FAM107A: variants seen among roughly 807,000 people sequenced by gnomAD.
FAM107A encodes actin-associated protein FAM107A.
FAM107A carries 19 observed loss-of-function variants against 13.7 expected under a neutral mutation model. The observed-to-expected ratio is 1.38, with a 90% CI of 0.97 to 2.03. The LOEUF is 2.03. Among genes scored for constraint, FAM107A ranks in the 30% most tolerant of loss-of-function variants. FAM107A has a pLI of 0.00. For synonymous variants in FAM107A, 82 were observed against 74.5 expected (o/e 1.10, Z -0.52); for missense variants, 203 against 184.4 (o/e 1.10, Z -0.58).
rs2065765852 is a variant in FAM107A, at chr3:58,603,074, T to G, written c.-69-13805A>C. ...GTTCTCTGCATTTCTTGAGTTTCGT[T>G]TTTTCAATGAACCTGTGTTTTATAA... On this transcript the variant is annotated intron_variant, in intron 1 of 3. Transcript: ENST00000465970. Among the ~76,000 whole-genome samples the G allele has an allele frequency of 2.0e-5, 3 of 152,354 alleles. No individual in the cohort carries two copies. The South Asian group carries it at 6.2e-4, about 32-fold the overall frequency.
chr3:58,588,630 T>TC (rs2065629453), upstream of FAM107A, among the ~76,000 whole-genome samples: 1 of 152,220 alleles, frequency 6.6e-6, no homozygotes. Context: ...TATCCTTTCT[T>TC]CAGAGGATGA....
intron 1 of FAM107A, among the ~76,000 whole-genome samples, chr3:58,575,316 G>T (rs1161137804): frequency 1.3e-5 from 2 of 152,160 alleles, no homozygotes; most frequent in Non-Finnish European, 2.9e-5. Flanking sequence ...AGTTTGGAGG[G>T]TGAAGTGATA....
At chr3:58,600,908 G>A (rs139471910) in intron 1 of FAM107A, among the ~76,000 whole-genome samples, 6 of 152,212 alleles carry the variant, frequency 3.9e-5, no homozygotes, top group East Asian at 3.9e-4. Flanking sequence ...GTCTCCCTTC[G>A]GGCACCAGAG....
At chr3:58,605,215 T>G (rs781388424) in intron 1 of FAM107A, among the ~76,000 whole-genome samples, 1 of 152,066 alleles carries the variant, frequency 6.6e-6, no homozygotes, top group Non-Finnish European at 1.5e-5. Context: ...CTCTCCAATG[T>G]CTCCCAGCCC....
chr3:58,598,843 C>T (rs1414525102), intron 1 of FAM107A, among the ~76,000 whole-genome samples: 1 of 151,798 alleles, frequency 6.6e-6, no homozygotes, highest in African/African-American at 2.4e-5. Context: ...CCTCACTCTT[C>T]TGATCTACTA....
At chr3:58,623,020 A>G (rs2065972994) in intron 1 of FAM107A, among the ~76,000 whole-genome samples, 1 of 152,092 alleles carries the variant, frequency 6.6e-6, no homozygotes, top group Admixed American at 6.5e-5. Flanking sequence ...AGGTCCTCAC[A>G]CGTCACTGAG....
intron 1 of FAM107A, among the ~76,000 whole-genome samples, chr3:58,598,536 A>G (rs868183651): frequency 1.3e-5 from 2 of 152,144 alleles, no homozygotes; most frequent in Non-Finnish European, 2.9e-5. Flanking sequence ...CTTTTTTTCC[A>G]TACCTGGACT....
At chr3:58,576,928 T>C (rs1352406645) in intron 1 of FAM107A, among the ~76,000 whole-genome samples, 1 of 152,200 alleles carries the variant, frequency 6.6e-6, no homozygotes, top group Non-Finnish European at 1.5e-5. Flanking sequence ...TGAGCCAAAC[T>C]CTGAAGCTGA....
intron 1 of FAM107A, among the ~76,000 whole-genome samples, chr3:58,612,962 C>G (rs2065868326): frequency 6.6e-6 from 1 of 152,026 alleles, no homozygotes; most frequent in South Asian, 2.1e-4. Context: ...GTTGACTCTC[C>G]ACTCCCACGC....
At chr3:58,603,059 T>C (rs1245503499) in intron 1 of FAM107A, among the ~76,000 whole-genome samples, 1 of 152,252 alleles carries the variant, frequency 6.6e-6, no homozygotes, top group Non-Finnish European at 1.5e-5. Context: ...GTTCTCTGCA[T>C]TTCTTGAGTT....
chr3:58,590,793 A>G (rs537911626), upstream of FAM107A, among the ~76,000 whole-genome samples: 1 of 152,158 alleles, frequency 6.6e-6, no homozygotes, highest in Non-Finnish European at 1.5e-5. Context: ...GGGGATTGCA[A>G]TTTGAGATGA....
chr3:58,586,931 C>T lies in FAM107A; in HGVS notation c.6G>A (p.Ala2=), dbSNP rs181112193. Residue 2 remains alanine (A), a synonymous_variant, in exon 1 of 4, where the codon GCG becomes GCA. Transcript: ENST00000447756. ...CCCGGGCCCACTCGCCCAGCCTCTG[C>T]GCCATGCCCCCGCGCCTCCTACTGC... 2.2e-4 allele frequency: 342 copies of T among 1,529,818 alleles called. 3 individuals are homozygous for T. In the African/African-American group the frequency reaches 4.3e-3, roughly 19 times the overall value. The allele number at this position is 1,529,818 out of a possible 1,614,324, so 94.8% of individuals were successfully genotyped here.
chr3:58,571,991 C>T (rs886222896), intron 1 of FAM107A, among the ~76,000 whole-genome samples: 2 of 152,148 alleles, frequency 1.3e-5, no homozygotes, highest in African/African-American at 4.8e-5. Flanking sequence ...AAGGAGATGG[C>T]AGCCTTAATA....
intron 1 of FAM107A, among the ~76,000 whole-genome samples, chr3:58,624,416 C>T (rs1043843735): frequency 1.3e-5 from 2 of 152,358 alleles, no homozygotes; most frequent in Admixed American, 1.3e-4. Flanking sequence ...GTTTTGACTC[C>T]TGGCCCAGTG....
At chr3:58,590,887 C>T (rs1390335100), upstream of FAM107A, among the ~76,000 whole-genome samples, 3 of 152,188 alleles carry the variant, frequency 2.0e-5, no homozygotes, top group Non-Finnish European at 2.9e-5. Flanking sequence ...GCTTTTAAAG[C>T]GTAACTCAGA....
upstream of FAM107A, among the ~76,000 whole-genome samples, chr3:58,579,169 C>T (rs987293183): frequency 6.6e-6 from 1 of 152,046 alleles, no homozygotes; most frequent in Non-Finnish European, 1.5e-5. Flanking sequence ...AGTCTGTACA[C>T]ATGGGAGAGT....
chr3:58,579,502 A>G (rs1298764585), upstream of FAM107A, among the ~76,000 whole-genome samples: 1 of 151,998 alleles, frequency 6.6e-6, no homozygotes, highest in East Asian at 1.9e-4. Context: ...CTCTGCCTTA[A>G]CTTCCCCAAA....
chr3:58,590,288 G>C (rs929375743), upstream of FAM107A, among the ~76,000 whole-genome samples: 2 of 152,162 alleles, frequency 1.3e-5, no homozygotes, highest in Non-Finnish European at 2.9e-5. Context: ...CTCAGACCAG[G>C]AGGCTGGGAG....
upstream of FAM107A, among the ~76,000 whole-genome samples, chr3:58,587,863 A>G (rs1367554894): frequency 6.6e-6 from 1 of 152,192 alleles, no homozygotes; most frequent in Admixed American, 6.5e-5. Context: ...TGTGTGCTTC[A>G]TGTTCTGTTT....
Sources: allele counts gnomAD v4.1 joint callset (sites outside exome capture counted in the v4.1 genomes callset), GRCh38; gene constraint gnomAD v4.1.1; transcripts MANE v1.5; gene names NCBI Gene and HGNC (gene_info 2026-07-23, HGNC 2026-07-21).